KCNH2: variants seen among roughly 807,000 people sequenced by gnomAD.
KCNH2 encodes voltage-gated inwardly rectifying potassium channel KCNH2.
In KCNH2, 35 loss-of-function variants were observed where a neutral mutation model predicts 95.9. The observed-to-expected ratio is 0.37, with a 90% confidence interval of 0.28 to 0.48. The LOEUF is 0.48. Ranked by LOEUF, KCNH2 falls within the 20% of genes least tolerant of loss-of-function variation. The pLI is 0.99. For synonymous variants in KCNH2, 786 were observed against 754.7 expected (o/e 1.04, Z -0.68); for missense variants, 1,274 against 1,702.9 (o/e 0.75, Z 4.43).
intron 5 of KCNH2, chr7:150,955,688 G>A: frequency 1.5e-6 from 2 of 1,371,446 alleles, no homozygotes; most frequent in Non-Finnish European, 1.9e-6. Context: ...GGGTCACCCT[G>A]GCAGTAAGCG....
chr7:150,945,602 G>A lies in KCNH2; in HGVS notation c.3331-88C>T, dbSNP rs1800862616. On this transcript the variant is annotated intron_variant, in intron 14 of 14. Coordinates refer to ENST00000262186, the MANE Select transcript of KCNH2 (RefSeq NM_000238.4). This position sits in a 1 kb window ranked among gnomAD's most constrained non-coding sequence, Gnocchi z 5.6. Reference sequence around the variant, plus strand: ...AGGGGCAGGAGAACCCGGGGACAGAGGATGGACGGGAGGACAGGAGGGCCA... The same window carrying A: ...AGGGGCAGGAGAACCCGGGGACAGAAGATGGACGGGAGGACAGGAGGGCCA... The A allele has an allele frequency of 1.5e-6, 2 of 1,370,554 alleles. No homozygotes were observed. Among genetic ancestry groups the A allele is most frequent in the Non-Finnish European group, 2.0e-6 (2 of 983,252 alleles). The allele number at this position is 1,370,554 out of a possible 1,614,324, so 84.9% of individuals were successfully genotyped here.
At position 150,947,035 on chromosome 7, in the gene KCNH2, C is replaced by A; in HGVS notation, c.3172G>T (p.Ala1058Ser). ...QLNRLETRLS[A>S]DMATVLQLLQ... The stretch of plus-strand genomic sequence containing the variant: ...AGCTGCAGGACAGTGGCCATGTCTG[C>A]ACTCAGCCGGGTCTCCAGCCTGGGG... The change falls in exon 14 of 15, where the codon GCA becomes TCA. Residue 1058 changes from alanine (A) to serine (S), a missense_variant. By Grantham distance (99) the Ala-to-Ser change is moderately conservative. This residue lies in a region of KCNH2 where 457 missense variants were observed against 416.1 expected (regional missense o/e 1.10). Coordinates refer to ENST00000262186, the MANE Select transcript of KCNH2 (RefSeq NM_000238.4). 1 of 1,604,528 alleles carries A rather than the reference C, an allele frequency of 6.2e-7. No individual in the cohort carries two copies. Among genetic ancestry groups the A allele is most frequent in the South Asian group, 1.1e-5 (1 of 90,360 alleles).
chr7:150,959,599 C>T lies in KCNH2; in HGVS notation c.445G>A (p.Gly149Ser). 1.2e-6 allele frequency: 2 copies of T among 1,614,098 alleles called. No homozygotes were observed. Among genetic ancestry groups the T allele is most frequent in the African/African-American group, 1.3e-5 (1 of 75,028 alleles). The change falls in exon 3 of 15, where the codon GGC (glycine) becomes AGC (serine). Residue 149 changes from glycine to serine, a missense_variant. Physicochemically the swap from Gly to Ser is moderately conservative, Grantham distance 56. Coordinates refer to ENST00000262186, the MANE Select transcript of KCNH2 (RefSeq NM_000238.4). ...GGGGCCAGCCAGCTGGTGGGGGGGC[C>T]CCGGTGGTTGGTGTCATGAGCCGGG... is the stretch of plus-strand genomic sequence containing the variant. ...GSPAHDTNHR[G>S]PPTSWLAPGR...
chr7:150,948,407 T>TCCCCCCCCCCCCCCCCCCCCCC, intron 11 of KCNH2, 37 bp downstream of exon 11: 1 of 1,219,314 alleles, frequency 8.2e-7, no homozygotes, highest in Admixed American at 2.0e-5. Flanking sequence ...CCTCACCTTG[T>TCCCCCCCCCCCCCCCCCCCCCC]CCCCGCCCTC....
Position 150,958,235 on chromosome 7 carries a change from T to C in KCNH2, c.740A>G (p.Gln247Arg), listed in dbSNP as rs1271246335. 3 of 1,392,614 alleles carry C rather than the reference T, an allele frequency of 2.2e-6. No individual in the cohort carries two copies. Among genetic ancestry groups the C allele is most frequent in the South Asian group, 3.2e-5 (2 of 61,914 alleles). 86.3% of individuals were successfully genotyped at this position (1,392,614 alleles called of 1,614,324 possible). The part of the protein sequence containing the change: ...PGSPPRSAPG[Q>R]LPSPRAHSLN... ...GCTGTGCGCCCGGGGCGATGGGAGC[T>C]GGCCGGGCGCGCTGCGGGGCGGAGA... Residue 247 changes from glutamine (Q) to arginine (R), a missense_variant, in exon 4 of 15, where the codon CAG becomes CGG. Gln to Arg is a conservative substitution (Grantham distance 43, BLOSUM62 1). Transcript: ENST00000262186.
chr7:150,948,020 T>G, intron 11 of KCNH2, 142 bp from the exon 12 acceptor site: 1 of 1,045,552 alleles, frequency 9.6e-7, no homozygotes, highest in Non-Finnish European at 1.3e-6. Context: ...TTCTGCTATC[T>G]TGCACCCACT....
chr7:150,962,897 G>A lies in KCNH2; in HGVS notation c.308-3161C>T, dbSNP rs776184745. On this transcript the variant is annotated intron_variant, in intron 2 of 14. Coordinates refer to ENST00000262186, the MANE Select transcript of KCNH2 (RefSeq NM_000238.4). This position sits in a 1 kb window ranked among gnomAD's most constrained non-coding sequence, Gnocchi z 5.7. ...ACCCTGCCGCGTCGGCTGGGGCTTC[G>A]GTGAACTGCCACATCACCTGCTCCC... Among the ~76,000 whole-genome samples the A allele has an allele frequency of 2.6e-5, 4 of 152,140 alleles. No individual in the cohort carries two copies. Among genetic ancestry groups the A allele is most frequent in the African/African-American group, 4.8e-5 (2 of 41,432 alleles).
At chr7:150,957,805 C>T (rs1428825756) in intron 4 of KCNH2, among the ~76,000 whole-genome samples, 3 of 152,226 alleles carry the variant, frequency 2.0e-5, no homozygotes, top group Non-Finnish European at 4.4e-5. Flanking sequence ...GGCATCCCTG[C>T]TCCAGGCCGT....
At chr7:150,975,073 G>A (rs1325149084) in intron 1 of KCNH2, 132 bp from the exon 2 acceptor site, 10 of 633,638 alleles carry the variant, frequency 1.6e-5, no homozygotes, top group Non-Finnish European at 2.3e-5. Context: ...TGGGACTGGG[G>A]TCCCAGCAGG....
At chr7:150,956,361 C>T (rs138047209) in intron 5 of KCNH2, among the ~76,000 whole-genome samples, 24 of 152,290 alleles carry the variant, frequency 1.6e-4, no homozygotes, top group Middle Eastern at 3.4e-3. Context: ...AGGAGCCCGC[C>T]GAGGTAGCAG....
chr7:150,969,141 G>A (rs1218024076), intron 2 of KCNH2, among the ~76,000 whole-genome samples: 1 of 152,120 alleles, frequency 6.6e-6, no homozygotes, highest in Non-Finnish European at 1.5e-5. Context: ...GGCATTCCAC[G>A]CTGGGCAGGG....
chr7:150,945,422 C>T lies in KCNH2; in HGVS notation c.3423G>A (p.Gln1141=). Residue 1141 remains glutamine, a synonymous_variant, in exon 15 of 15, where the codon CAG becomes CAA. Coordinates refer to ENST00000262186, the MANE Select transcript of KCNH2 (RefSeq NM_000238.4). The surrounding 1 kb of genome is among the most constrained non-coding windows in gnomAD (Gnocchi z 5.6). ...GPTRRLSLPG[Q]LGALTSQPLH... ...GGGGCTGGGAGGTGAGGGCCCCCAG[C>T]TGGCCCGGTAGGGAGAGGCGTCGTG... The T allele has an allele frequency of 6.3e-7, 1 of 1,577,954 alleles. No homozygotes were observed.
chr7:150,954,250 C>T (rs558062779), intron 5 of KCNH2, among the ~76,000 whole-genome samples: 1 of 151,406 alleles, frequency 6.6e-6, no homozygotes, highest in African/African-American at 2.4e-5. Flanking sequence ...GGTGGCCCTT[C>T]AGTGATCAAG....
chr7:150,948,678 A>G lies in KCNH2; in HGVS notation c.2593-135T>C, dbSNP rs150475288. 467 of 1,079,410 alleles carry G rather than the reference A, an allele frequency of 4.3e-4. 2 individuals carry two copies. The highest frequency in any genetic ancestry group is 3.9e-3 in the East Asian group (152 of 39,238). 66.9% of individuals were successfully genotyped at this position (1,079,410 alleles called of 1,614,324 possible). A position where few individuals can be genotyped will look rare whatever the true frequency, so the allele number is the denominator to read the frequency against. On this transcript the variant is annotated intron_variant, in intron 10 of 14. Coordinates refer to ENST00000262186, the MANE Select transcript of KCNH2 (RefSeq NM_000238.4). ...CTGGGAAAACCCTTCCCTGCCCCCAATGTGATTTTGCCCCAGGCAAAGACT... is the reference window on the plus strand; with the variant it reads ...CTGGGAAAACCCTTCCCTGCCCCCAGTGTGATTTTGCCCCAGGCAAAGACT...
rs1801595992 is a variant in KCNH2 at position 150,962,619 on chromosome 7, A to AGAG, written c.308-2884_308-2883insCTC. ...CTGTAACTCACACTTACACACACACACGAGAGACAGAGAGAGAGAGAGAGA... is the reference window on the plus strand; with the variant it reads ...CTGTAACTCACACTTACACACACACAGAGCGAGAGACAGAGAGAGAGAGAGAGA... On this transcript the variant is annotated intron_variant, in intron 2 of 14. Transcript: ENST00000262186. The surrounding 1 kb of genome is among the most constrained non-coding windows in gnomAD (Gnocchi z 5.7). Among the ~76,000 whole-genome samples the AGAG allele has an allele frequency of 1.2e-5, 1 of 82,526 alleles. No individual in the cohort carries two copies. Among genetic ancestry groups the AGAG allele is most frequent in the African/African-American group, 5.1e-5 (1 of 19,526 alleles). 54.1% of individuals were successfully genotyped at this position (82,526 alleles called of 152,430 possible).
rs1235070125 is a variant in KCNH2, at chr7:150,946,739, A to C, written c.3330+138T>G. On this transcript the variant is annotated intron_variant, in intron 14 of 14. Transcript: ENST00000262186. This position sits in a 1 kb window ranked among gnomAD's most constrained non-coding sequence, Gnocchi z 6.5. Reference sequence around the variant, plus strand: ...TGAAGCAGCCTTCCTCCAGGAGGACAGGGGTGGGAGGAGGGCAGGAACAAG... The same window carrying C: ...TGAAGCAGCCTTCCTCCAGGAGGACCGGGGTGGGAGGAGGGCAGGAACAAG... 1 of 757,570 alleles carries C rather than the reference A, an allele frequency of 1.3e-6. No homozygotes were observed. The highest frequency in any genetic ancestry group is 2.1e-6 in the Non-Finnish European group (1 of 468,492). The allele number at this position is 757,570 out of a possible 1,614,324, so 46.9% of individuals were successfully genotyped here.
intron 2 of KCNH2, among the ~76,000 whole-genome samples, chr7:150,974,257 C>T (rs1434366714): frequency 6.6e-6 from 1 of 152,202 alleles, no homozygotes; most frequent in Non-Finnish European, 1.5e-5. Flanking sequence ...CCCTCCATGA[C>T]ATCTCCCAGA....
At chr7:150,964,960 G>A (rs977902799) in intron 2 of KCNH2, among the ~76,000 whole-genome samples, 3 of 152,208 alleles carry the variant, frequency 2.0e-5, no homozygotes, top group Non-Finnish European at 4.4e-5. Context: ...GAAAGGCCAG[G>A]GACATTGCAG....
intron 1 of KCNH2, 105 bp downstream of exon 1, chr7:150,977,733 G>T: frequency 2.2e-6 from 2 of 912,564 alleles, no homozygotes; most frequent in Non-Finnish European, 3.2e-6. Flanking sequence ...CCATTGACTC[G>T]CACTTGCCGA....
Sources: gnomAD v4.1 joint callset for allele counts (sites outside exome capture counted in the v4.1 genomes callset) on GRCh38, gnomAD v4.1.1 for gene constraint, gnomAD v4.1.1 regional missense constraint, Gnocchi (gnomAD v3.1) non-coding constraint, MANE v1.5 for transcripts, NCBI Gene and HGNC (gene_info 2026-07-23, HGNC 2026-07-21) for gene names.